ARHGAP42: variants seen among roughly 807,000 people sequenced by gnomAD.
ARHGAP42 encodes the protein rho GTPase-activating protein 42.
A neutral mutation model predicts 125.0 loss-of-function variants in ARHGAP42; 63 were observed. That is an observed-to-expected ratio of 0.50 (90% CI 0.41 to 0.62). The LOEUF (loss-of-function observed/expected upper bound fraction) is 0.62, where lower values mean the gene tolerates loss of function less well. ARHGAP42 is among the 20% of genes least tolerant of loss of function. The pLI is 0.00. For missense variants in ARHGAP42, 766 were observed against 1,024.2 expected, an observed-to-expected ratio of 0.75 and a Z score of 3.44; for synonymous variants, 339 against 351.0, an observed-to-expected ratio of 0.97 and a Z score of 0.38.
At chr11:100,822,214 A>T (rs1202012302) in intron 3 of ARHGAP42, among the ~76,000 whole-genome samples, 2 of 152,152 alleles carry the variant, frequency 1.3e-5, no homozygotes, top group Admixed American at 6.5e-5. Flanking sequence ...AATTTTCTCA[A>T]AGCATAACCT....
chr11:100,986,324 T>C (rs1452433302), intron 22 of ARHGAP42: 2 of 319,132 alleles, frequency 6.3e-6, no homozygotes, highest in Admixed American at 8.8e-5. Flanking sequence ...GAGGAAAACA[T>C]CTCAGGACAT....
chr11:100,807,456 A>G (rs1183079402), intron 3 of ARHGAP42, among the ~76,000 whole-genome samples: 3 of 152,180 alleles, frequency 2.0e-5, no homozygotes, highest in African/African-American at 7.2e-5. Flanking sequence ...TCGGTCTCCC[A>G]AAGTGCTAGG....
intron 4 of ARHGAP42, among the ~76,000 whole-genome samples, chr11:100,912,803 A>G (rs12276190): frequency 0.092 from 13,938 of 152,228 alleles, 913 homozygotes; most frequent in Non-Finnish European, 0.13. Context: ...AAGGTCGGCT[A>G]TTAAGAGTTA....
At chr11:100,888,053 A>G (rs1866135227) in intron 4 of ARHGAP42, among the ~76,000 whole-genome samples, 1 of 152,162 alleles carries the variant, frequency 6.6e-6, no homozygotes. Context: ...TTATTTAAAA[A>G]TTGTTTCATT....
intron 3 of ARHGAP42, among the ~76,000 whole-genome samples, chr11:100,842,071 A>G (rs4754703): frequency 0.29 from 44,198 of 152,068 alleles, 7,024 homozygotes; most frequent in South Asian, 0.49. Context: ...AGATTGAAGT[A>G]TTGCAAACTA....
Position 100,961,739 on chromosome 11 carries a change from G to A in ARHGAP42, c.1356G>A (p.Thr452=), listed in dbSNP as rs878942215. The change falls in exon 15 of 24, where the codon ACG becomes ACA. Residue 452 remains threonine, a synonymous_variant. Transcript: ENST00000298815. The stretch of plus-strand genomic sequence containing the variant: ...ATATTGAACTGTGGGACAATAAGAC[G>A]ATAACAAGTGGGCTGAAAAACTACC... ...DIDIELWDNK[T]ITSGLKNYLR... 4.1e-5 allele frequency: 63 copies of A among 1,551,522 alleles called. No individual in the cohort carries two copies. Among genetic ancestry groups the A allele is most frequent in the Middle Eastern group, 3.3e-4 (2 of 6,016 alleles).
chr11:100,952,063 A>G (rs1442818859), intron 12 of ARHGAP42, among the ~76,000 whole-genome samples: 1 of 152,204 alleles, frequency 6.6e-6, no homozygotes, highest in African/African-American at 2.4e-5. Context: ...GCTTAAAGTT[A>G]TGAATCTTAA....
At chr11:100,820,707 C>T (rs1864384856) in intron 3 of ARHGAP42, among the ~76,000 whole-genome samples, 1 of 152,074 alleles carries the variant, frequency 6.6e-6, no homozygotes, top group African/African-American at 2.4e-5. Context: ...TCTATATAAA[C>T]AGATACTTGG....
At chr11:100,905,596 C>A (rs528231) in intron 4 of ARHGAP42, among the ~76,000 whole-genome samples, 149,287 of 152,280 alleles carry the variant, frequency 0.98, 73,187 homozygotes, top group East Asian at 1. Flanking sequence ...CTTTTTTTGC[C>A]TAATTTTTTG....
chr11:100,745,619 A>G (rs1249204708), intron 1 of ARHGAP42, among the ~76,000 whole-genome samples: 1 of 152,170 alleles, frequency 6.6e-6, no homozygotes, highest in Non-Finnish European at 1.5e-5. Flanking sequence ...AGACCTTGAA[A>G]TGCCTTTGTT....
At chr11:100,887,643 G>C (rs1866123943) in intron 4 of ARHGAP42, among the ~76,000 whole-genome samples, 1 of 152,192 alleles carries the variant, frequency 6.6e-6, no homozygotes, top group African/African-American at 2.4e-5. Context: ...TGGACACAGA[G>C]ATGTCTGACC....
chr11:100,730,295 C>T (rs1861934831), intron 1 of ARHGAP42, among the ~76,000 whole-genome samples: 1 of 152,002 alleles, frequency 6.6e-6, no homozygotes, highest in African/African-American at 2.4e-5. Context: ...TCTTTCTACT[C>T]TCTGCTAAGC....
In ARHGAP42 at chr11:100,980,559, CTTTTTTTTTTTTTTT is replaced by C. The variant is rs763302463; in HGVS notation, c.2456+1526_2456+1540del. Among the ~76,000 whole-genome samples, 261 of 51,964 alleles carry C rather than the reference CTTTTTTTTTTTTTTT, an allele frequency of 5.0e-3. 3 individuals carry two copies. Among genetic ancestry groups the C allele is most frequent in the African/African-American group, 0.014 (251 of 17,442 alleles). The allele number at this position is 51,964 out of a possible 152,430, so 34.1% of individuals were successfully genotyped here. A position where few individuals can be genotyped will look rare whatever the true frequency, so the allele number is the denominator to read the frequency against. On this transcript the variant is annotated intron_variant, in intron 22 of 23. Coordinates refer to ENST00000298815, the MANE Select transcript of ARHGAP42 (RefSeq NM_152432.4). ...TCAAATCATACTTCTTTTTCTTCTTCTTTTTTTTTTTTTTTTTTTTTTTTTTTTTTGAGAAAGAGC... is the reference window on the plus strand; with the variant it reads ...TCAAATCATACTTCTTTTTCTTCTTCTTTTTTTTTTTTTTTGAGAAAGAGC...
At chr11:100,779,737 A>C (rs1863255038) in intron 2 of ARHGAP42, among the ~76,000 whole-genome samples, 3 of 151,618 alleles carry the variant, frequency 2.0e-5, no homozygotes, top group Admixed American at 2.0e-4. Context: ...ATTTAGAACA[A>C]GTTTTTGGCT....
chr11:100,749,670 G>A (rs573852096), intron 1 of ARHGAP42, among the ~76,000 whole-genome samples: 4 of 152,274 alleles, frequency 2.6e-5, no homozygotes, highest in Non-Finnish European at 2.9e-5. Context: ...TAGGCGTACC[G>A]ATATAACTTC....
rs1465520365 is a variant in ARHGAP42 at position 100,993,149 on chromosome 11, CT to C, written c.*4351del. 5.9e-6 allele frequency: 1 copy of C among 169,342 alleles called. No homozygotes were observed. The highest frequency in any genetic ancestry group is 2.4e-5 in the African/African-American group (1 of 41,480). The allele number at this position is 169,342 out of a possible 1,614,324, so 10.5% of individuals were successfully genotyped here. ...CTCAGTAGGATAACCCCTTTCTCCC[CT>C]TTGGACCATCTGCCATCTTTCATGA... On this transcript the variant is annotated 3_prime_UTR_variant, in exon 24 of 24. Coordinates refer to ENST00000298815, the MANE Select transcript of ARHGAP42 (RefSeq NM_152432.4).
At chr11:100,910,271 A>G (rs1403793630) in intron 4 of ARHGAP42, among the ~76,000 whole-genome samples, 1 of 152,194 alleles carries the variant, frequency 6.6e-6, no homozygotes, top group African/African-American at 2.4e-5. Context: ...AACGGCAGCA[A>G]CTATGATACT....
At chr11:100,700,511 T>A (rs774290859) in intron 1 of ARHGAP42, among the ~76,000 whole-genome samples, 3 of 152,354 alleles carry the variant, frequency 2.0e-5, no homozygotes, top group Non-Finnish European at 4.4e-5. Context: ...CAAACCCTGA[T>A]GCTGATTTTT....
At chr11:100,749,772 C>T (rs1862400930) in intron 1 of ARHGAP42, among the ~76,000 whole-genome samples, 2 of 152,150 alleles carry the variant, frequency 1.3e-5, no homozygotes, top group Non-Finnish European at 2.9e-5. Flanking sequence ...TTATCACCAT[C>T]CACTGGAACA....
Sources: gnomAD v4.1 joint callset for allele counts (sites outside exome capture counted in the v4.1 genomes callset) on GRCh38, gnomAD v4.1.1 for gene constraint, MANE v1.5 for transcripts, NCBI Gene and HGNC (gene_info 2026-07-23, HGNC 2026-07-21) for gene names.